Variants in ASIC2 observed in about 807,000 individuals in gnomAD.
ASIC2 encodes the protein acid sensing ion channel subunit 2, also known as acid-sensing ion channel 2.
A neutral mutation model predicts 57.3 loss-of-function variants in ASIC2; 25 were observed. That is an observed-to-expected ratio of 0.44 (90% CI 0.32 to 0.61). ASIC2 has a LOEUF of 0.61. ASIC2 is among the 20% of genes least tolerant of loss of function. ASIC2 has a pLI of 0.06. For missense variants in ASIC2, 641 were observed against 738.1 expected (o/e 0.87, Z 1.52); for synonymous variants, 319 against 307.5 (o/e 1.04, Z -0.39).
chr17:33,586,802 T>C (rs191375821), intron 1 of ASIC2, among the ~76,000 whole-genome samples: 30 of 152,362 alleles, frequency 2.0e-4, no homozygotes, highest in Admixed American at 2.6e-4. Context: ...CATCACATCA[T>C]GCTACTTACA....
intron 1 of ASIC2, among the ~76,000 whole-genome samples, chr17:33,996,111 AT>A (rs1273554978): frequency 6.6e-6 from 1 of 151,622 alleles, no homozygotes; most frequent in African/African-American, 2.4e-5. Flanking sequence ...GATGTTGAAC[AT>A]TTTTTTTCAT....
intron 1 of ASIC2, among the ~76,000 whole-genome samples, chr17:33,300,661 T>G (rs536211932): frequency 6.6e-6 from 1 of 152,374 alleles, no homozygotes; most frequent in East Asian, 1.9e-4. Flanking sequence ...CGCAATTGAA[T>G]GTCCTAAGCA....
intron 1 of ASIC2, among the ~76,000 whole-genome samples, chr17:33,852,486 G>GGATTTTACATGTGTAAAA (rs1219760001): frequency 1.3e-5 from 2 of 152,024 alleles, no homozygotes; most frequent in Non-Finnish European, 2.9e-5. Context: ...GCACTATGAT[G>GGATTTTACATGTGTAAAA]GATTTTACAT....
Position 33,774,348 on chromosome 17 carries a change from G to A in ASIC2, c.555+381630C>T, listed in dbSNP as rs963273843. On this transcript the variant is annotated intron_variant, in intron 1 of 9. Coordinates refer to the ASIC2 transcript ENST00000359872. ...TAGCAGCTGCTTGGAGCTATGGGTT[G>A]AATGAGAGTCTGAGGTCATGTCTAG... 1.1e-4 allele frequency among the ~76,000 whole-genome samples: 16 copies of A among 152,190 alleles called. 1 individual carries two copies.
intron 1 of ASIC2, among the ~76,000 whole-genome samples, chr17:34,130,377 G>A (rs1350045885): frequency 4.6e-5 from 7 of 152,224 alleles, no homozygotes; most frequent in Non-Finnish European, 7.3e-5. Context: ...AGATGCAACA[G>A]TTATGATTTT....
intron 1 of ASIC2, among the ~76,000 whole-genome samples, chr17:33,917,350 C>T (rs531505853): frequency 6.6e-6 from 1 of 152,334 alleles, no homozygotes; most frequent in South Asian, 2.1e-4. Context: ...CCCAAACTTG[C>T]TTCTCCTCTT....
At chr17:33,971,352 C>G (rs886080530) in intron 1 of ASIC2, among the ~76,000 whole-genome samples, 2 of 152,136 alleles carry the variant, frequency 1.3e-5, no homozygotes, top group Admixed American at 6.5e-5. Context: ...CTTCAGAAGG[C>G]TTGAGAGAAT....
At chr17:33,273,214 A>G (rs903911525) in intron 1 of ASIC2, among the ~76,000 whole-genome samples, 4 of 152,318 alleles carry the variant, frequency 2.6e-5, no homozygotes, top group Admixed American at 2.6e-4. Flanking sequence ...ACAAAATTAA[A>G]AGAGTAGAAA....
chr17:33,789,503 CGT>C lies in ASIC2; in HGVS notation c.555+366473_555+366474del, dbSNP rs1911704593. On this transcript the variant is annotated intron_variant, in intron 1 of 9. Transcript: ENST00000359872. ...ACACACACACACACACACACACACA[CGT>C]GCAGCATTTCAGCTGCTATGGGGAT... Among the ~76,000 whole-genome samples the C allele has an allele frequency of 6.6e-5, 10 of 151,332 alleles. No individual in the cohort carries two copies. In the South Asian group the frequency reaches 1.7e-3, roughly 25 times the overall value.
At chr17:33,160,178 C>T (rs982448104) in intron 1 of ASIC2, among the ~76,000 whole-genome samples, 10 of 151,170 alleles carry the variant, frequency 6.6e-5, no homozygotes, top group Non-Finnish European at 1.5e-4. Flanking sequence ...CACTGCTCTC[C>T]AGCCTGGGTG....
intron 1 of ASIC2, among the ~76,000 whole-genome samples, chr17:33,240,766 C>T (rs1231949779): frequency 6.6e-6 from 1 of 152,140 alleles, no homozygotes; most frequent in Non-Finnish European, 1.5e-5. Flanking sequence ...GGTTCTTGCT[C>T]CACTCCCTCT....
chr17:33,858,177 C>CTACCCTGTTTCT (rs1914011955), intron 1 of ASIC2, among the ~76,000 whole-genome samples: 1 of 152,218 alleles, frequency 6.6e-6, no homozygotes, highest in Admixed American at 6.5e-5. Context: ...GTTTCTGCCT[C>CTACCCTGTTTCT]GTCCTTAGGT....
intron 1 of ASIC2, among the ~76,000 whole-genome samples, chr17:34,151,412 A>G (rs1904521429): frequency 1.3e-5 from 2 of 152,194 alleles, no homozygotes. Context: ...TTGATTGACA[A>G]AGGAATAACC....
At chr17:33,628,899 C>G (rs1451599752) in intron 1 of ASIC2, among the ~76,000 whole-genome samples, 1 of 152,208 alleles carries the variant, frequency 6.6e-6, no homozygotes, top group African/African-American at 2.4e-5. Flanking sequence ...ATCCCATGCT[C>G]TTAGCCCTGC....
intron 1 of ASIC2, among the ~76,000 whole-genome samples, chr17:33,514,427 T>C (rs1377350775): frequency 2.0e-5 from 3 of 152,002 alleles, no homozygotes; most frequent in Admixed American, 1.3e-4. Context: ...CCTTCCTAAC[T>C]GGTAAAATTG....
At chr17:33,378,564 T>A (rs570413082) in intron 1 of ASIC2, among the ~76,000 whole-genome samples, 1 of 152,274 alleles carries the variant, frequency 6.6e-6, no homozygotes, top group East Asian at 1.9e-4. Flanking sequence ...GATTCCTCAG[T>A]GTGGGTAGAA....
At chr17:33,854,731 G>T (rs540418139) in intron 1 of ASIC2, among the ~76,000 whole-genome samples, 2 of 152,232 alleles carry the variant, frequency 1.3e-5, no homozygotes, top group South Asian at 4.1e-4. Flanking sequence ...TGTGTGCACA[G>T]CTGAGTCAGC....
chr17:33,958,484 C>T (rs367600205), intron 1 of ASIC2, among the ~76,000 whole-genome samples: 1 of 147,926 alleles, frequency 6.8e-6, no homozygotes, highest in East Asian at 1.9e-4. Flanking sequence ...TCTGTGCACC[C>T]ACAGGACCAA....
At chr17:33,599,932 C>T (rs1317492130) in intron 1 of ASIC2, among the ~76,000 whole-genome samples, 1 of 152,170 alleles carries the variant, frequency 6.6e-6, no homozygotes, top group Non-Finnish European at 1.5e-5. Context: ...TTCCTGTAAC[C>T]CTTGATTCTT....
Sources: allele counts gnomAD v4.1 joint callset (sites outside exome capture counted in the v4.1 genomes callset), GRCh38; gene constraint gnomAD v4.1.1; transcripts MANE v1.5; gene names NCBI Gene and HGNC (gene_info 2026-07-23, HGNC 2026-07-21).